Variants in LIMA1 observed in about 807,000 individuals in gnomAD.
LIMA1 encodes LIM domain and actin-binding protein 1.
Under a neutral mutation model 62.6 loss-of-function variants are expected in LIMA1, and 52 were observed. The observed-to-expected ratio is 0.83, with a 90% CI of 0.67 to 1.05. The LOEUF is 1.05. LIMA1 is among the 50% of genes least tolerant of loss of function. The pLI is 0.00. For synonymous variants in LIMA1, 302 were observed against 317.8 expected (o/e 0.95, Z 0.53); for missense variants, 780 against 902.2 (o/e 0.86, Z 1.74).
intron 1 of LIMA1, among the ~76,000 whole-genome samples, chr12:50,280,762 C>A (rs901823914): frequency 6.6e-6 from 1 of 152,146 alleles, no homozygotes; most frequent in Non-Finnish European, 1.5e-5. Flanking sequence ...ACTCCATAAT[C>A]ATTAAGTAGA....
intron 6 of LIMA1, among the ~76,000 whole-genome samples, chr12:50,202,386 G>GT (rs1303126812): frequency 2.0e-5 from 3 of 151,684 alleles, no homozygotes; most frequent in Non-Finnish European, 4.4e-5. Context: ...ATGGTTAGGA[G>GT]TTAAAAAAAA....
chr12:50,251,637 A>AG (rs1163516236), intron 1 of LIMA1, among the ~76,000 whole-genome samples: 1 of 152,034 alleles, frequency 6.6e-6, no homozygotes. Flanking sequence ...AAAAAAAAAA[A>AG]AAAAAAGGTA....
intron 4 of LIMA1, among the ~76,000 whole-genome samples, chr12:50,208,641 C>A (rs755664300): frequency 6.6e-6 from 1 of 152,110 alleles, no homozygotes; most frequent in Admixed American, 6.6e-5. Flanking sequence ...CAGAGTGTGA[C>A]CCTGTCTCAA....
At chr12:50,209,851 TG>T (rs1941222581) in intron 4 of LIMA1, among the ~76,000 whole-genome samples, 1 of 152,004 alleles carries the variant, frequency 6.6e-6, no homozygotes, top group African/African-American at 2.4e-5. Context: ...TTGGTAGAGT[TG>T]GGGTTTCACC....
chr12:50,242,060 G>A (rs1164237072), intron 2 of LIMA1, among the ~76,000 whole-genome samples: 1 of 144,810 alleles, frequency 6.9e-6, no homozygotes, highest in Non-Finnish European at 1.5e-5. Flanking sequence ...GCTGATGGAG[G>A]ACGCTAAAAT....
intron 9 of LIMA1, among the ~76,000 whole-genome samples, chr12:50,182,972 G>A (rs766438304): frequency 6.6e-6 from 1 of 152,196 alleles, no homozygotes; most frequent in East Asian, 1.9e-4. Context: ...AGGAGGCCGA[G>A]GTGGGCGGAT....
intron 4 of LIMA1, among the ~76,000 whole-genome samples, chr12:50,211,767 T>C (rs1254356143): frequency 2.0e-5 from 3 of 151,112 alleles, no homozygotes; most frequent in African/African-American, 7.4e-5. Context: ...TCCTCCAATA[T>C]TTCTCAAGGA....
Position 50,176,939 on chromosome 12 carries a change from C to T in LIMA1, c.*125G>A, listed in dbSNP as rs534688027. On this transcript the variant is annotated 3_prime_UTR_variant, in exon 11 of 11. Transcript: ENST00000341247. Reference sequence around the variant, plus strand: ...TTGATTTTAAGAAGGAATTCTTTTCCAAAGTTACTTCCAAGTAAATTACAT... The same window carrying T: ...TTGATTTTAAGAAGGAATTCTTTTCTAAAGTTACTTCCAAGTAAATTACAT... 5.4e-5 allele frequency: 40 copies of T among 747,098 alleles called. No individual in the cohort carries two copies. Among genetic ancestry groups the T allele is most frequent in the African/African-American group, 5.1e-4 (28 of 55,414 alleles). The allele number at this position is 747,098 out of a possible 1,614,324, so 46.3% of individuals were successfully genotyped here. A position where few individuals can be genotyped will look rare whatever the true frequency, so the allele number is the denominator to read the frequency against.
In LIMA1 at chr12:50,177,629, T is replaced by G; in HGVS notation, c.1715A>C (p.Asp572Ala). The change falls in exon 11 of 11, where the codon GAT becomes GCT. Residue 572 changes from aspartate (D) to alanine (A), a missense_variant. Transcript: ENST00000341247. Reference protein sequence around the residue: ...ISKPEVPEDVDLDLKKLRRSS... With the variant: ...ISKPEVPEDVALDLKKLRRSS... The stretch of plus-strand genomic sequence containing the variant: ...TCGTCTTAGCTTCTTCAGATCTAGA[T>G]CGACATCCTCAGGAACTTCGGGCTT... 6.2e-7 allele frequency: 1 copy of G among 1,609,352 alleles called. No individual in the cohort carries two copies. Among genetic ancestry groups the G allele is most frequent in the Middle Eastern group, 1.7e-4 (1 of 6,016 alleles).
At chr12:50,250,345 GT>G (rs1184841201) in intron 1 of LIMA1, among the ~76,000 whole-genome samples, 1 of 146,448 alleles carries the variant, frequency 6.8e-6, no homozygotes, top group Admixed American at 6.9e-5. Context: ...GTTCATACCT[GT>G]AATCCCAGCA....
In LIMA1 at chr12:50,265,585, T is replaced by G. The variant is rs144947649; in HGVS notation, c.-23-16811A>C. Among the ~76,000 whole-genome samples the G allele has an allele frequency of 3.1e-3, 478 of 152,288 alleles. 1 individual carries two copies. Among genetic ancestry groups the G allele is most frequent in the African/African-American group, 0.011 (440 of 41,550 alleles). On this transcript the variant is annotated intron_variant, in intron 1 of 10. Coordinates refer to ENST00000341247, the MANE Select transcript of LIMA1 (RefSeq NM_016357.5). Reference sequence around the variant, plus strand: ...AGTAACATTAGTTGAAGAGAAATTGTTTCTTTAAAATATCAATATTTTTAT... The same window carrying G: ...AGTAACATTAGTTGAAGAGAAATTGGTTCTTTAAAATATCAATATTTTTAT...
intron 3 of LIMA1, among the ~76,000 whole-genome samples, chr12:50,226,536 AAAC>A (rs1325618743): frequency 6.6e-6 from 1 of 152,098 alleles, no homozygotes; most frequent in Non-Finnish European, 1.5e-5. Flanking sequence ...GTGTAGAAAA[AAAC>A]AATAATGAAA....
At chr12:50,277,766 A>C (rs1942292446) in intron 1 of LIMA1, among the ~76,000 whole-genome samples, 1 of 152,176 alleles carries the variant, frequency 6.6e-6, no homozygotes, top group South Asian at 2.1e-4. Flanking sequence ...GGTCTAATAA[A>C]AGCCTGTGCT....
chr12:50,228,748 T>A (rs1020322646), intron 3 of LIMA1, among the ~76,000 whole-genome samples: 1 of 152,238 alleles, frequency 6.6e-6, no homozygotes, highest in African/African-American at 2.4e-5. Context: ...TAATAAAACA[T>A]GTTACAGTTT....
intron 9 of LIMA1, among the ~76,000 whole-genome samples, chr12:50,184,981 A>G (rs910011542): frequency 2.6e-5 from 4 of 151,968 alleles, no homozygotes; most frequent in East Asian, 1.9e-4. Flanking sequence ...ACAGGCGTGC[A>G]CCACCACACT....
intron 3 of LIMA1, among the ~76,000 whole-genome samples, chr12:50,228,077 C>A (rs7308885): frequency 0.32 from 48,669 of 151,784 alleles, 8,065 homozygotes; most frequent in South Asian, 0.47. Context: ...CCAGGATGGT[C>A]TCGATCTCCT....
intron 6 of LIMA1, 96 bp downstream of exon 6, chr12:50,204,456 A>C (rs1315503404): frequency 8.8e-6 from 12 of 1,370,862 alleles, no homozygotes; most frequent in Non-Finnish European, 1.2e-5. Flanking sequence ...CAGGGCTCAG[A>C]TACAAGGGTC....
At chr12:50,271,708 A>G (rs930234235) in intron 1 of LIMA1, among the ~76,000 whole-genome samples, 2 of 152,216 alleles carry the variant, frequency 1.3e-5, no homozygotes, top group African/African-American at 4.8e-5. Context: ...TCTGAACAGC[A>G]TATTTCTCCT....
In LIMA1 at chr12:50,248,725, C is replaced by A. The variant is rs780884470; in HGVS notation, c.27G>T (p.Arg9=). The A allele has an allele frequency of 1.2e-6, 2 of 1,609,950 alleles. No homozygotes were observed. The highest frequency in any genetic ancestry group is 1.7e-6 in the Non-Finnish European group (2 of 1,176,232). ...CCCTCAATGATAGTGAGGTCCATTG[C>A]CGTCTATTAAATGGAGATGATTCCA... MESSPFNR[R]QWTSLSLRVT... The change falls in exon 2 of 11, where the codon CGG becomes CGT. Residue 9 remains arginine (R), a synonymous_variant. Transcript: ENST00000341247.
Sources: allele counts gnomAD v4.1 joint callset (sites outside exome capture counted in the v4.1 genomes callset), GRCh38; gene constraint gnomAD v4.1.1; transcripts MANE v1.5; gene names NCBI Gene and HGNC (gene_info 2026-07-23, HGNC 2026-07-21).